AFF2: variants seen among roughly 807,000 people sequenced by gnomAD.
AFF2 encodes the protein AF4/FMR2 family member 2.
Under a neutral mutation model 76.9 loss-of-function variants are expected in AFF2, and 14 were observed. The observed-to-expected ratio is 0.18, with a 90% confidence interval of 0.12 to 0.28. The LOEUF is 0.28. AFF2 is among the 10% of genes least tolerant of loss of function. AFF2 has a pLI of 1.00. For missense variants in AFF2, 868 were observed against 1,001.1 expected, an observed-to-expected ratio of 0.87 and a Z score of 1.79; for synonymous variants, 398 against 366.7, an observed-to-expected ratio of 1.09 and a Z score of -0.98.
At chrX:148,682,210 T>A (rs1211228487) in intron 3 of AFF2, among the ~76,000 whole-genome samples, 1 of 112,193 alleles carries the variant, frequency 8.9e-6, no homozygotes, top group Non-Finnish European at 1.9e-5. Flanking sequence ...AGAAAACTAA[T>A]GGAATAAACA....
At chrX:148,903,559 G>C (rs1280312563) in intron 8 of AFF2, among the ~76,000 whole-genome samples, 11 of 111,997 alleles carry the variant, frequency 9.8e-5, no homozygotes, top group African/African-American at 3.2e-4. Flanking sequence ...ACTGGAACCG[G>C]GCTCCATGTC....
At chrX:148,627,995 G>A (rs900444782) in intron 1 of AFF2, among the ~76,000 whole-genome samples, 3 of 111,632 alleles carry the variant, frequency 2.7e-5, no homozygotes, top group African/African-American at 6.5e-5. Flanking sequence ...TATGGTGTTC[G>A]AGAAAGAGCA....
intron 3 of AFF2, among the ~76,000 whole-genome samples, chrX:148,702,724 T>C (rs991384832): frequency 6.2e-5 from 7 of 112,234 alleles, no homozygotes; most frequent in African/African-American, 1.9e-4. Context: ...CAAGCCCATA[T>C]GATTAGTGAT....
intron 3 of AFF2, among the ~76,000 whole-genome samples, chrX:148,697,817 G>A (rs964191921): frequency 2.7e-5 from 3 of 111,937 alleles, no homozygotes; most frequent in African/African-American, 9.7e-5. Flanking sequence ...GTCCAGCCCA[G>A]GGCTCTGAGC....
In AFF2 at chrX:148,999,400, A is replaced by T. The variant is rs1411059334; in HGVS notation, c.*8068A>T. The stretch of plus-strand genomic sequence containing the variant: ...TTCCTGGAAAAAAAAGGACATTTTC[A>T]TGCATATTTTAAACAGAAATTTTGT... On this transcript the variant is annotated 3_prime_UTR_variant, in exon 21 of 21. Transcript: ENST00000370460. The T allele has an allele frequency of 8.9e-6, 1 of 112,737 alleles. No individual in the cohort carries two copies. The highest frequency in any genetic ancestry group is 1.9e-5 in the Non-Finnish European group (1 of 53,360). 9.3% of individuals were successfully genotyped at this position (112,737 alleles called of 1,213,427 possible).
At chrX:148,579,431 A>G (rs2053329549) in intron 1 of AFF2, among the ~76,000 whole-genome samples, 1 of 111,000 alleles carries the variant, frequency 9.0e-6, no homozygotes, top group Admixed American at 9.7e-5. Flanking sequence ...GCCAAACACA[A>G]TTTAGTTTGG....
chrX:148,844,479 T>C (rs2070641033), intron 7 of AFF2, among the ~76,000 whole-genome samples: 2 of 112,278 alleles, frequency 1.8e-5, no homozygotes, highest in Non-Finnish European at 3.8e-5. Flanking sequence ...CTAATATCCA[T>C]TTGTCCAAGA....
rs115632598 is a variant in AFF2 at position 148,615,427 on chromosome X, C to T, written c.48-36572C>T. On this transcript the variant is annotated intron_variant, in intron 1 of 20. Transcript: ENST00000370460. ...TTAGATGGAGTTGTCAAACCATTAT[C>T]GTGGCTCTGCATCATAATCTCTAAA... Among the ~76,000 whole-genome samples, 174 of 111,901 alleles carry T rather than the reference C, an allele frequency of 1.6e-3. 1 individual carries two copies. The highest frequency in any genetic ancestry group is 5.5e-3 in the African/African-American group (171 of 30,868).
chrX:148,883,847 G>A (rs1174275998), intron 7 of AFF2, among the ~76,000 whole-genome samples: 1 of 111,034 alleles, frequency 9.0e-6, no homozygotes, highest in Non-Finnish European at 1.9e-5. Context: ...CAAATTCCGT[G>A]CTGCTGGTCA....
At chrX:148,524,401 A>G (rs1329188337) in intron 1 of AFF2, among the ~76,000 whole-genome samples, 1 of 111,066 alleles carries the variant, frequency 9.0e-6, no homozygotes, top group Non-Finnish European at 1.9e-5. Flanking sequence ...TGCCTTTCAG[A>G]TAAGTACTTC....
chrX:148,925,196 A>G (rs1420225346), intron 9 of AFF2, among the ~76,000 whole-genome samples: 1 of 112,269 alleles, frequency 8.9e-6, no homozygotes, highest in Non-Finnish European at 1.9e-5. Context: ...AGATAGCCAT[A>G]GGGATAAACT....
chrX:148,716,926 T>A (rs1202850388), intron 3 of AFF2, among the ~76,000 whole-genome samples: 1 of 111,478 alleles, frequency 9.0e-6, no homozygotes, highest in Non-Finnish European at 1.9e-5. Context: ...AGATAATAAA[T>A]GATAAGCACA....
chrX:148,671,290 A>G (rs1326657595), intron 3 of AFF2, among the ~76,000 whole-genome samples: 2 of 112,257 alleles, frequency 1.8e-5, no homozygotes, highest in Non-Finnish European at 3.8e-5. Flanking sequence ...TAATGATGCA[A>G]TTTAAAACAG....
rs1441784898 is a variant in AFF2, at chrX:148,993,547, A to G, written c.*2215A>G. 1 of 112,159 alleles carries G rather than the reference A, an allele frequency of 8.9e-6. No homozygotes were observed. The highest frequency in any genetic ancestry group is 1.9e-5 in the Non-Finnish European group (1 of 53,262). The allele number at this position is 112,159 out of a possible 1,213,427, so 9.2% of individuals were successfully genotyped here. A position where few individuals can be genotyped will look rare whatever the true frequency, so the allele number is the denominator to read the frequency against. On this transcript the variant is annotated 3_prime_UTR_variant, in exon 21 of 21. Coordinates refer to ENST00000370460, the MANE Select transcript of AFF2 (RefSeq NM_002025.4). ...TGGATTTAGGAGTAGATTCTTCTTG[A>G]AATCCCACATCCAGAAACTAGACAT... is the stretch of plus-strand genomic sequence containing the variant.
intron 3 of AFF2, among the ~76,000 whole-genome samples, chrX:148,759,991 G>A (rs1457204047): frequency 1.8e-5 from 2 of 112,177 alleles, no homozygotes; most frequent in Non-Finnish European, 3.8e-5. Context: ...AGCCACAGTA[G>A]ACAGAGTAGA....
chrX:148,870,122 C>G (rs1417379686), intron 7 of AFF2, among the ~76,000 whole-genome samples: 3 of 111,217 alleles, frequency 2.7e-5, no homozygotes, highest in Non-Finnish European at 5.7e-5. Context: ...TAATCAGCTG[C>G]ACAGTTCTGT....
intron 1 of AFF2, among the ~76,000 whole-genome samples, chrX:148,576,549 G>C (rs2053289226): frequency 9.0e-6 from 1 of 111,353 alleles, no homozygotes; most frequent in African/African-American, 3.3e-5. Flanking sequence ...ATAATGGCAT[G>C]TTGCATTTCC....
At chrX:148,603,812 A>T (rs1053121907) in intron 1 of AFF2, among the ~76,000 whole-genome samples, 7 of 109,881 alleles carry the variant, frequency 6.4e-5, no homozygotes, top group Non-Finnish European at 1.3e-4. Flanking sequence ...TTTACAATAC[A>T]TTATTTCTGC....
chrX:148,920,972 G>A (rs1048031168), intron 9 of AFF2, among the ~76,000 whole-genome samples: 2 of 111,043 alleles, frequency 1.8e-5, no homozygotes, highest in Non-Finnish European at 3.8e-5. Flanking sequence ...CATGTTTCTG[G>A]CATATGGAGC....
Sources: gnomAD v4.1 joint callset for allele counts (sites outside exome capture counted in the v4.1 genomes callset) on GRCh38, gnomAD v4.1.1 for gene constraint, MANE v1.5 for transcripts, NCBI Gene and HGNC (gene_info 2026-07-23, HGNC 2026-07-21) for gene names.